The following PCDHA10 variants were observed in gnomAD, a reference collection of about 807,000 sequenced individuals.
PCDHA10 encodes protocadherin alpha-10.
Under a neutral mutation model 61.2 loss-of-function variants are expected in PCDHA10, and 45 were observed. The ratio of observed to expected loss-of-function variants is 0.74; its 90% CI spans 0.58 to 0.94. The LOEUF (loss-of-function observed/expected upper bound fraction) is 0.94. PCDHA10 is among the 40% of genes least tolerant of loss of function. The pLI is 0.00. For missense variants in PCDHA10, 1,278 were observed against 1,236.2 expected, an observed-to-expected ratio of 1.03 and a Z score of -0.51; for synonymous variants, 602 against 548.8, an observed-to-expected ratio of 1.10 and a Z score of -1.35.
intron 3 of PCDHA10, among the ~76,000 whole-genome samples, chr5:140,994,821 T>C (rs2097651680): frequency 6.6e-6 from 1 of 152,052 alleles, no homozygotes. Flanking sequence ...AAAAACTGAA[T>C]TGTGTAGTCT....
chr5:140,979,186 C>T, intron 2 of PCDHA10, 179 bp downstream of exon 2: 2 of 914,118 alleles, frequency 2.2e-6, no homozygotes, highest in Non-Finnish European at 2.6e-6. Context: ...ATGGTCAGTG[C>T]CAGATGCTTA....
chr5:140,965,035 C>T (rs978573637), intron 1 of PCDHA10, among the ~76,000 whole-genome samples: 6 of 152,108 alleles, frequency 3.9e-5, no homozygotes, highest in Non-Finnish European at 5.9e-5. Context: ...TTTAACTGTC[C>T]GCTCTAGGAG....
intron 1 of PCDHA10, among the ~76,000 whole-genome samples, chr5:140,898,608 T>G (rs1208473607): frequency 7.2e-5 from 11 of 152,362 alleles, no homozygotes; most frequent in African/African-American, 2.6e-4. Flanking sequence ...TAGTATAGTT[T>G]GAAGTCAGGT....
At chr5:140,880,958 G>T (rs1208694420) in intron 1 of PCDHA10, among the ~76,000 whole-genome samples, 1 of 152,010 alleles carries the variant, frequency 6.6e-6, no homozygotes, top group African/African-American at 2.4e-5. Flanking sequence ...GGATGATGAG[G>T]GTAAGAGAAT....
intron 1 of PCDHA10, chr5:140,877,006 G>A: frequency 6.2e-7 from 1 of 1,612,484 alleles, no homozygotes; most frequent in Non-Finnish European, 8.5e-7. Flanking sequence ...GTCGGTGCAC[G>A]CGGAGAGCGG....
At chr5:140,887,767 A>G (rs782237653) in intron 1 of PCDHA10, among the ~76,000 whole-genome samples, 6 of 152,194 alleles carry the variant, frequency 3.9e-5, no homozygotes, top group African/African-American at 7.2e-5. Context: ...CATATGTTAC[A>G]ATGACACAGG....
intron 1 of PCDHA10, chr5:140,929,567 A>G (rs566554100): frequency 7.2e-5 from 33 of 456,594 alleles, no homozygotes; most frequent in Admixed American, 1.2e-4. Flanking sequence ...ATTTAAGAAC[A>G]ATAAAAGTAA....
chr5:140,869,562 A>T (rs373044645), intron 1 of PCDHA10: 50 of 1,614,050 alleles, frequency 3.1e-5, no homozygotes, highest in Non-Finnish European at 3.5e-5. Context: ...CGCGTTTTCC[A>T]CTAGAGGGAG....
chr5:140,925,585 A>T (rs1450626568), intron 1 of PCDHA10, among the ~76,000 whole-genome samples: 1 of 151,748 alleles, frequency 6.6e-6, no homozygotes, highest in Non-Finnish European at 1.5e-5. Flanking sequence ...AACATGGCGC[A>T]TGTATACATA....
chr5:141,011,247 G>A lies in PCDHA10; in HGVS notation c.*1310G>A, dbSNP rs1554263390. On this transcript the variant is annotated 3_prime_UTR_variant, in exon 4 of 4. Transcript: ENST00000307360. The stretch of plus-strand genomic sequence containing the variant: ...TCTACTAATTCTGTGACTTGTCTTG[G>A]TGTGCTAGCCTACACCTTCTCTTTG... The A allele has an allele frequency of 2.0e-5, 3 of 153,772 alleles. No individual in the cohort carries two copies. The highest frequency in any genetic ancestry group is 7.2e-5 in the African/African-American group (3 of 41,538). The allele number at this position is 153,772 out of a possible 1,614,324, so 9.5% of individuals were successfully genotyped here.
intron 3 of PCDHA10, among the ~76,000 whole-genome samples, chr5:141,005,543 A>G (rs2153984572): frequency 6.6e-6 from 1 of 151,530 alleles, no homozygotes; most frequent in South Asian, 2.1e-4. Context: ...CTCTACTAAA[A>G]ATACAAAAAT....
intron 1 of PCDHA10, chr5:140,967,771 G>A (rs1554229926): frequency 1.2e-6 from 2 of 1,614,222 alleles, no homozygotes; most frequent in Non-Finnish European, 1.7e-6. Context: ...AGATCTATGT[G>A]CAGGCGACTG....
chr5:140,983,746 T>A (rs1206745225), intron 3 of PCDHA10, among the ~76,000 whole-genome samples: 2 of 152,228 alleles, frequency 1.3e-5, no homozygotes, highest in East Asian at 3.8e-4. Flanking sequence ...CTTGCAATAA[T>A]CCATTCAAAT....
chr5:140,868,199 A>G (rs1367327575), intron 1 of PCDHA10: 2 of 152,150 alleles, frequency 1.3e-5, no homozygotes, highest in East Asian at 1.9e-4. Flanking sequence ...TATGGCTTAC[A>G]TTAGAAATAA....
intron 1 of PCDHA10, chr5:140,883,477 C>CTACT: frequency 6.2e-7 from 1 of 1,614,172 alleles, no homozygotes; most frequent in Middle Eastern, 1.7e-4. Context: ...CCTACAAGAA[C>CTACT]TACTACTCAT....
At chr5:140,865,232 A>T (rs577307618) in intron 1 of PCDHA10, 1 of 152,202 alleles carries the variant, frequency 6.6e-6, no homozygotes, top group Non-Finnish European at 1.5e-5. Context: ...ATCCCAGAGA[A>T]CACGTATTTA....
Position 141,009,658 on chromosome 5 carries a change from C to T in PCDHA10, c.2568C>T (p.Val856=), listed in dbSNP as rs571898721. The T allele has an allele frequency of 6.2e-6, 10 of 1,613,948 alleles. No individual in the cohort carries two copies. Among genetic ancestry groups the T allele is most frequent in the South Asian group, 4.4e-5 (4 of 91,030 alleles). The change falls in exon 4 of 4, where the codon GTC becomes GTT. Residue 856 remains valine, a synonymous_variant. Transcript: ENST00000307360. ...EPEAGEVSPP[V]GAGVNSNSWT... ...AGGCAGGAGAAGTGTCCCCTCCAGT[C>T]GGTGCGGGTGTCAACAGCAACAGCT...
chr5:140,949,075 C>G (rs1459435331), intron 1 of PCDHA10, among the ~76,000 whole-genome samples: 1 of 151,470 alleles, frequency 6.6e-6, no homozygotes, highest in Non-Finnish European at 1.5e-5. Flanking sequence ...ACTCTTTCAC[C>G]CATTTATTAC....
At chr5:140,875,524 C>T in intron 1 of PCDHA10, 1 of 1,614,084 alleles carries the variant, frequency 6.2e-7, no homozygotes, top group East Asian at 2.2e-5. Context: ...GCTGCTCTCG[C>T]TTCTGCTCCT....
Sources: gnomAD v4.1 joint callset for allele counts (sites outside exome capture counted in the v4.1 genomes callset) on GRCh38, gnomAD v4.1.1 for gene constraint, MANE v1.5 for transcripts, NCBI Gene and HGNC (gene_info 2026-07-23, HGNC 2026-07-21) for gene names.